Variants in AFF1 observed in about 807,000 individuals in gnomAD.
AFF1 encodes ALF transcription elongation factor 1, also known as AF4/FMR2 family member 1.
AFF1 carries 48 observed loss-of-function variants against 121.7 expected under a neutral mutation model. That is an observed-to-expected ratio of 0.39 (90% CI 0.31 to 0.50). The LOEUF is 0.50. Ranked by LOEUF, AFF1 falls within the 20% of genes least tolerant of loss-of-function variation. The pLI is 0.76. For synonymous variants in AFF1, 613 were observed against 563.0 expected (o/e 1.09, Z -1.26); for missense variants, 1,523 against 1,511.7 (o/e 1.01, Z -0.12).
chr4:87,087,731 T>C (rs1723880750), intron 5 of AFF1, among the ~76,000 whole-genome samples: 1 of 152,244 alleles, frequency 6.6e-6, no homozygotes, highest in South Asian at 2.1e-4. Flanking sequence ...TTATGTACTT[T>C]CCAACTGCCT....
chr4:86,984,944 A>ATTGTCTTTTTT (rs1482869378), intron 2 of AFF1, among the ~76,000 whole-genome samples: 80 of 151,646 alleles, frequency 5.3e-4, no homozygotes, highest in South Asian at 4.4e-3. Context: ...AAAAAAGACA[A>ATTGTCTTTTTT]ATCTTAAAGT....
chr4:87,126,025 G>A (rs1728204706), intron 13 of AFF1, 74 bp from the exon 14 acceptor site: 1 of 1,442,546 alleles, frequency 6.9e-7, no homozygotes, highest in Admixed American at 1.7e-5. Flanking sequence ...CCAGCAGCCA[G>A]TTTGTAACTA....
intron 8 of AFF1, among the ~76,000 whole-genome samples, chr4:87,100,334 C>A (rs1396609760): frequency 2.0e-5 from 3 of 152,068 alleles, no homozygotes; most frequent in African/African-American, 7.2e-5. Flanking sequence ...CATAACCTAT[C>A]CCCTACCACG....
intron 2 of AFF1, among the ~76,000 whole-genome samples, chr4:87,040,561 A>AC: frequency 8.7e-6 from 1 of 114,584 alleles, no homozygotes; most frequent in East Asian, 2.6e-4. Context: ...CAATCCCCTC[A>AC]CCCTTTTTTT....
At chr4:87,130,365 A>G (rs1275003479) in intron 16 of AFF1, among the ~76,000 whole-genome samples, 6 of 152,210 alleles carry the variant, frequency 3.9e-5, no homozygotes, top group African/African-American at 9.6e-5. Flanking sequence ...TGGGCAGTAC[A>G]TACGCCACAT....
chr4:87,030,854 C>T (rs1054858628), intron 2 of AFF1, among the ~76,000 whole-genome samples: 1 of 152,138 alleles, frequency 6.6e-6, no homozygotes, highest in African/African-American at 2.4e-5. Flanking sequence ...AAGATTGAGC[C>T]TCTTTTGGGC....
intron 2 of AFF1, among the ~76,000 whole-genome samples, chr4:86,958,869 A>G (rs1677034409): frequency 6.6e-6 from 1 of 152,188 alleles, no homozygotes; most frequent in Non-Finnish European, 1.5e-5. Flanking sequence ...AGCATTTACT[A>G]GTTAAGGAAA....
At chr4:86,980,388 G>A (rs1476818379) in intron 2 of AFF1, among the ~76,000 whole-genome samples, 3 of 152,180 alleles carry the variant, frequency 2.0e-5, no homozygotes, top group Non-Finnish European at 4.4e-5. Context: ...AATTACTTGG[G>A]AGTCTAAGGT....
rs1313217868 is a variant in AFF1 at position 87,065,085 on chromosome 4, T to C, written c.1059+17491T>C. 2.6e-5 allele frequency among the ~76,000 whole-genome samples: 4 copies of C among 152,230 alleles called. No individual in the cohort carries two copies. The East Asian group carries it at 5.8e-4, about 22-fold the overall frequency. On this transcript the variant is annotated intron_variant, in intron 4 of 20. Transcript: ENST00000395146. ...CCAACCTTTATTTTATGTGTCTTAATGTGGTGCATTAGTCTGCTTTCACAC... is the reference window on the plus strand; with the variant it reads ...CCAACCTTTATTTTATGTGTCTTAACGTGGTGCATTAGTCTGCTTTCACAC...
At chr4:87,085,551 T>C (rs2149706191) in intron 5 of AFF1, among the ~76,000 whole-genome samples, 1 of 152,256 alleles carries the variant, frequency 6.6e-6, no homozygotes, top group Non-Finnish European at 1.5e-5. Context: ...GTTTTTTAAC[T>C]TTTCATTTTA....
intron 2 of AFF1, among the ~76,000 whole-genome samples, chr4:86,986,424 C>T (rs1341226825): frequency 6.6e-6 from 1 of 152,066 alleles, no homozygotes; most frequent in Admixed American, 6.6e-5. Flanking sequence ...ACTATTGTGC[C>T]TCTTCTCGTG....
intron 2 of AFF1, among the ~76,000 whole-genome samples, chr4:86,985,544 C>T (rs1724184226): frequency 6.8e-6 from 1 of 147,914 alleles, no homozygotes; most frequent in Non-Finnish European, 1.5e-5. Flanking sequence ...GGCGTGGTGG[C>T]AGGTGCCTGT....
intron 2 of AFF1, among the ~76,000 whole-genome samples, chr4:86,977,126 C>A (rs537800793): frequency 6.6e-6 from 1 of 152,242 alleles, no homozygotes; most frequent in African/African-American, 2.4e-5. Context: ...TAAGTAGTCC[C>A]CCCATATGAG....
chr4:86,980,494 GAAAAT>G (rs1723650645), intron 2 of AFF1, among the ~76,000 whole-genome samples: 1 of 151,800 alleles, frequency 6.6e-6, no homozygotes, highest in African/African-American at 2.4e-5. Context: ...CCATCTCTAA[GAAAAT>G]AAAAAAGGAA....
intron 2 of AFF1, among the ~76,000 whole-genome samples, chr4:86,953,330 A>G (rs1721508355): frequency 1.3e-5 from 2 of 152,204 alleles, no homozygotes; most frequent in Admixed American, 1.3e-4. Context: ...TTTGCCCAGA[A>G]AAAAACATTA....
At chr4:86,969,990 G>T (rs1175624085) in intron 2 of AFF1, among the ~76,000 whole-genome samples, 1 of 151,404 alleles carries the variant, frequency 6.6e-6, no homozygotes, top group Non-Finnish European at 1.5e-5. Flanking sequence ...TGGGTAGGAA[G>T]CTAGAGCTAT....
At chr4:87,048,282 A>G (rs954887312) in intron 4 of AFF1, among the ~76,000 whole-genome samples, 4 of 152,224 alleles carry the variant, frequency 2.6e-5, no homozygotes, top group Non-Finnish European at 5.9e-5. Context: ...TTATTCAATT[A>G]TGGGTTTTAA....
intron 2 of AFF1, among the ~76,000 whole-genome samples, chr4:87,019,752 A>G (rs1727694006): frequency 1.3e-5 from 2 of 152,150 alleles, no homozygotes; most frequent in South Asian, 4.1e-4. Flanking sequence ...TAAACCGTTA[A>G]ACGTTAAGTA....
At chr4:86,961,374 C>G (rs905352845) in intron 2 of AFF1, among the ~76,000 whole-genome samples, 2 of 152,112 alleles carry the variant, frequency 1.3e-5, no homozygotes, top group Non-Finnish European at 2.9e-5. Context: ...AAGCTGGTGG[C>G]AGGGATATAC....
Sources: gnomAD v4.1 joint callset for allele counts (sites outside exome capture counted in the v4.1 genomes callset) on GRCh38, gnomAD v4.1.1 for gene constraint, MANE v1.5 for transcripts, NCBI Gene and HGNC (gene_info 2026-07-23, HGNC 2026-07-21) for gene names.